Variants in NEK10 observed in about 807,000 individuals in gnomAD.
NEK10 encodes NIMA related kinase 10, also known as serine/threonine-protein kinase Nek10.
Under a neutral mutation model 159.8 loss-of-function variants are expected in NEK10, and 122 were observed. That is an observed-to-expected ratio of 0.76 (90% CI 0.66 to 0.89). The LOEUF (loss-of-function observed/expected upper bound fraction) is 0.89, where lower values mean the gene tolerates loss of function less well. Ranked by LOEUF, NEK10 falls within the 40% of genes least tolerant of loss-of-function variation. NEK10 has a pLI of 0.00. For missense variants in NEK10, 1,342 were observed against 1,323.1 expected (o/e 1.01, Z -0.22); for synonymous variants, 466 against 457.1 (o/e 1.02, Z -0.25).
intron 12 of NEK10, 109 bp from the exon 13 acceptor site, chr3:27,301,944 C>T (rs1228999802): frequency 3.7e-6 from 3 of 809,542 alleles, no homozygotes; most frequent in Non-Finnish European, 5.9e-6. Context: ...ATGAAGGCAT[C>T]ATTATTGTTT....
intron 6 of NEK10, among the ~76,000 whole-genome samples, chr3:27,318,819 G>A (rs186716768): frequency 6.6e-6 from 1 of 152,224 alleles, no homozygotes; most frequent in East Asian, 1.9e-4. Context: ...GACTTAAAGG[G>A]GAAAGTTTGA....
chr3:27,202,378 A>C (rs372287783), intron 24 of NEK10, 50 bp downstream of exon 24: 12 of 1,535,858 alleles, frequency 7.8e-6, no homozygotes, highest in Non-Finnish European at 1.1e-5. Context: ...TAAGAAAAAG[A>C]ATTGCATTTT....
At chr3:27,243,551 G>A (rs186052913) in intron 23 of NEK10, among the ~76,000 whole-genome samples, 34 of 151,772 alleles carry the variant, frequency 2.2e-4, no homozygotes, top group Middle Eastern at 3.4e-3. Flanking sequence ...CATTTTATCC[G>A]TCAACCAGAC....
chr3:27,119,744 T>C lies in NEK10; in HGVS notation c.3190+16A>G. On this transcript the variant is annotated intron_variant, in intron 33 of 35. Transcript: ENST00000691995. ...TTCTTCATGAAAGCCAGGTTACCCATGTTGATCACTATTACCTGTAGGGTC... is the reference window on the plus strand; with the variant it reads ...TTCTTCATGAAAGCCAGGTTACCCACGTTGATCACTATTACCTGTAGGGTC... The C allele has an allele frequency of 6.4e-7, 1 of 1,572,676 alleles. No individual in the cohort carries two copies. The highest frequency in any genetic ancestry group is 8.8e-7 in the Non-Finnish European group (1 of 1,142,398).
chr3:27,253,075 A>G, intron 23 of NEK10: 1 of 350,194 alleles, frequency 2.9e-6, no homozygotes, highest in East Asian at 7.3e-5. Flanking sequence ...TCTCTACTTA[A>G]TCAGTTTTAC....
At chr3:27,169,524 A>C (rs879559498) in intron 29 of NEK10, among the ~76,000 whole-genome samples, 11 of 152,206 alleles carry the variant, frequency 7.2e-5, no homozygotes, top group Non-Finnish European at 1.3e-4. Flanking sequence ...TTATTCCCAG[A>C]AACACTGGAA....
chr3:27,197,368 GT>G (rs1232057532), intron 25 of NEK10, among the ~76,000 whole-genome samples: 1 of 151,890 alleles, frequency 6.6e-6, no homozygotes, highest in Non-Finnish European at 1.5e-5. Context: ...TAGAGATGGG[GT>G]TTCACCATGT....
intron 19 of NEK10, among the ~76,000 whole-genome samples, chr3:27,289,464 G>A (rs1004785513): frequency 6.6e-6 from 1 of 152,190 alleles, no homozygotes; most frequent in Admixed American, 6.5e-5. Flanking sequence ...CCAAGCATAT[G>A]CTTCCTATCT....
chr3:27,204,518 T>C (rs1457969010), intron 23 of NEK10, among the ~76,000 whole-genome samples: 10 of 121,838 alleles, frequency 8.2e-5, no homozygotes, highest in African/African-American at 1.9e-4. Context: ...GTCCCTGTGA[T>C]CTCATTGTTC....
intron 31 of NEK10, among the ~76,000 whole-genome samples, chr3:27,140,126 T>G (rs1313348859): frequency 6.6e-6 from 1 of 152,178 alleles, no homozygotes; most frequent in African/African-American, 2.4e-5. Flanking sequence ...GACTAGGGTG[T>G]TCCTGGAAAA....
At chr3:27,270,347 T>A (rs2041238207) in intron 22 of NEK10, among the ~76,000 whole-genome samples, 1 of 152,190 alleles carries the variant, frequency 6.6e-6, no homozygotes, top group South Asian at 2.1e-4. Context: ...CCAGCCATGG[T>A]ATTGAGCCTT....
rs77637767 is a variant in NEK10 at position 27,276,392 on chromosome 3, G to A, written c.2014+8210C>T. 2.3e-3 allele frequency among the ~76,000 whole-genome samples: 348 copies of A among 152,176 alleles called. 8 individuals carry two copies. In the East Asian group the frequency reaches 0.057, roughly 25 times the overall value. On this transcript the variant is annotated intron_variant, in intron 22 of 35. Transcript: ENST00000691995. ...CGCATTTGACCTGAGTGGCAGAAGG[G>A]AGGAAGAGCATTCCAGGCAGAGGGA... is the stretch of plus-strand genomic sequence containing the variant.
At chr3:27,290,910 A>G (rs552929084) in intron 18 of NEK10, among the ~76,000 whole-genome samples, 156 bp from the exon 19 acceptor site, 1 of 92,430 alleles carries the variant, frequency 1.1e-5, no homozygotes, top group South Asian at 2.7e-4. Flanking sequence ...TATTTACATT[A>G]AGCTCAGCTC....
At chr3:27,171,724 A>C in intron 29 of NEK10, 95 bp downstream of exon 29, 2 of 1,312,406 alleles carry the variant, frequency 1.5e-6, no homozygotes, top group Non-Finnish European at 2.1e-6. Flanking sequence ...CCGCAGGCAC[A>C]TGGAAACTTC....
intron 31 of NEK10, among the ~76,000 whole-genome samples, chr3:27,140,137 G>T (rs771691522): frequency 6.6e-6 from 1 of 152,178 alleles, no homozygotes; most frequent in African/African-American, 2.4e-5. Context: ...TCCTGGAAAA[G>T]AAATAGATGG....
chr3:27,143,310 T>A (rs10865812), intron 30 of NEK10: 123,443 of 493,940 alleles, frequency 0.25, 17,052 homozygotes, highest in Middle Eastern at 0.41. Flanking sequence ...TTATACTATG[T>A]TTCTGATTTG....
Position 27,111,300 on chromosome 3 carries a change from C to T in NEK10, c.3320G>A (p.Gly1107Glu), listed in dbSNP as rs1272879791. 2 of 1,607,244 alleles carry T rather than the reference C, an allele frequency of 1.2e-6. No homozygotes were observed. Among genetic ancestry groups the T allele is most frequent in the Non-Finnish European group, 1.7e-6 (2 of 1,176,558 alleles). The change falls in exon 36 of 36, where the codon GGG becomes GAG. Residue 1107 changes from glycine to glutamate, a missense_variant. Transcript: ENST00000691995. Reference protein sequence around the residue: ...TSNRYHSYPWGTKNHPTKR With the variant: ...TSNRYHSYPWETKNHPTKR The stretch of plus-strand genomic sequence containing the variant: ...TCTTTTGGTTGGGTGATTCTTGGTC[C>T]CCCATGGATAGGAATGATACCTATA...
chr3:27,192,031 G>T lies in NEK10; in HGVS notation c.2503C>A (p.His835Asn), dbSNP rs1307343149. 1.9e-6 allele frequency: 3 copies of T among 1,614,004 alleles called. No homozygotes were observed. Among genetic ancestry groups the T allele is most frequent in the Non-Finnish European group, 2.5e-6 (3 of 1,179,860 alleles). ...TCHHELAVLS[H>N]ETFEKASLSS... ...CCGATTGAAATATTTGCACTTACGTGAGATAGAACAGCCAGCTCATGGTGA... is the reference window on the plus strand; with the variant it reads ...CCGATTGAAATATTTGCACTTACGTTAGATAGAACAGCCAGCTCATGGTGA... Residue 835 changes from histidine to asparagine, a missense_variant and splice_region_variant, in exon 26 of 36, where the codon CAC becomes AAC. Physicochemically the swap from His to Asn is moderately conservative, Grantham distance 68. Coordinates refer to ENST00000691995, the MANE Select transcript of NEK10 (RefSeq NM_001394966.1).
At chr3:27,128,914 T>C (rs1009549656) in intron 32 of NEK10, among the ~76,000 whole-genome samples, 2 of 152,234 alleles carry the variant, frequency 1.3e-5, no homozygotes, top group South Asian at 2.1e-4. Flanking sequence ...GAGGAGCTCA[T>C]TGCTGCTTGA....
Sources: allele counts gnomAD v4.1 joint callset (sites outside exome capture counted in the v4.1 genomes callset), GRCh38; gene constraint gnomAD v4.1.1; transcripts MANE v1.5; gene names NCBI Gene and HGNC (gene_info 2026-07-23, HGNC 2026-07-21).